Variants in UBE4B observed in about 807,000 individuals in gnomAD.
UBE4B encodes the protein ubiquitination factor E4B.
UBE4B carries 27 observed loss-of-function variants against 148.1 expected under a neutral mutation model. That is an observed-to-expected ratio of 0.18 (90% CI 0.13 to 0.25). The LOEUF (loss-of-function observed/expected upper bound fraction) is 0.25. Ranked by LOEUF, UBE4B falls within the 10% of genes least tolerant of loss-of-function variation. The pLI is 1.00. For missense variants in UBE4B, 1,170 were observed against 1,662.4 expected, an observed-to-expected ratio of 0.70 and a Z score of 5.15; for synonymous variants, 596 against 619.3, an observed-to-expected ratio of 0.96 and a Z score of 0.56.
chr1:10,142,028 A>G (rs1645790514), intron 17 of UBE4B, among the ~76,000 whole-genome samples: 2 of 149,140 alleles, frequency 1.3e-5, no homozygotes, highest in African/African-American at 5.2e-5. Context: ...TAAGAATTTA[A>G]AATCTGAAGC....
At chr1:10,036,168 C>G (rs1330910104) in intron 1 of UBE4B, among the ~76,000 whole-genome samples, 1 of 146,472 alleles carries the variant, frequency 6.8e-6, no homozygotes, top group Non-Finnish European at 1.5e-5. Flanking sequence ...AAATTCTTTT[C>G]AAACCAGTGA....
At chr1:10,061,660 T>C (rs1490870938) in intron 1 of UBE4B, among the ~76,000 whole-genome samples, 1 of 152,006 alleles carries the variant, frequency 6.6e-6, no homozygotes, top group Non-Finnish European at 1.5e-5. Flanking sequence ...GAATTGAAGG[T>C]CCTCCTGGCC....
chr1:10,104,491 A>T (rs980060257), intron 5 of UBE4B, among the ~76,000 whole-genome samples: 5 of 152,154 alleles, frequency 3.3e-5, no homozygotes, highest in African/African-American at 1.2e-4. Context: ...CTCAATAGAT[A>T]GATTTTAAAT....
At chr1:10,049,549 A>G (rs1186972468) in intron 1 of UBE4B, among the ~76,000 whole-genome samples, 1 of 152,114 alleles carries the variant, frequency 6.6e-6, no homozygotes, top group East Asian at 1.9e-4. Context: ...GTTTGAGGGC[A>G]GCCTGGGCAA....
At chr1:10,170,258 AC>A (rs1646319343) in intron 24 of UBE4B, among the ~76,000 whole-genome samples, 1 of 152,230 alleles carries the variant, frequency 6.6e-6, no homozygotes, top group African/African-American at 2.4e-5. Context: ...AAACAGAATG[AC>A]CAACTCTGTC....
chr1:10,164,304 A>G (rs1646214102), intron 23 of UBE4B, among the ~76,000 whole-genome samples: 4 of 152,018 alleles, frequency 2.6e-5, no homozygotes, highest in Admixed American at 2.0e-4. Context: ...CCATGCCACT[A>G]CATTTCACAT....
rs1645093418 is a variant in UBE4B at position 10,105,651 on chromosome 1, C to T, written c.716C>T (p.Pro239Leu). ...SQPIAAAARS[P>L]DRNLLLNTGS... is the part of the protein sequence containing the mutation. ...CCAATTGCTGCAGCAGCACGGTCAC[C>T]AGACAGAAATCTCTTGCTAAACACT... The change falls in exon 6 of 28, where the codon CCA (proline) becomes CTA (leucine). Residue 239 changes from proline to leucine, a missense_variant. Physicochemically the swap from Pro to Leu is moderately conservative, Grantham distance 98. Transcript: ENST00000343090. The T allele has an allele frequency of 6.2e-7, 1 of 1,614,218 alleles. No individual in the cohort carries two copies. Among genetic ancestry groups the T allele is most frequent in the Non-Finnish European group, 8.5e-7 (1 of 1,180,038 alleles).
intron 1 of UBE4B, among the ~76,000 whole-genome samples, chr1:10,053,965 G>A (rs765477993): frequency 2.0e-5 from 3 of 152,120 alleles, no homozygotes; most frequent in Non-Finnish European, 4.4e-5. Context: ...GGGATTACAG[G>A]TGTGAACCAC....
chr1:10,099,838 A>G (rs1644981224), intron 3 of UBE4B, among the ~76,000 whole-genome samples: 1 of 152,184 alleles, frequency 6.6e-6, no homozygotes, highest in African/African-American at 2.4e-5. Context: ...GACACGTGAC[A>G]TAGGAGCTTT....
At chr1:10,109,663 T>G (rs1435146990) in intron 7 of UBE4B, among the ~76,000 whole-genome samples, 1 of 152,146 alleles carries the variant, frequency 6.6e-6, no homozygotes, top group Admixed American at 6.5e-5. Context: ...TTACTTTTTT[T>G]TTTTTGAGAC....
At chr1:10,111,777 C>T (rs1432369707) in intron 7 of UBE4B, among the ~76,000 whole-genome samples, 3 of 151,926 alleles carry the variant, frequency 2.0e-5, no homozygotes, top group Non-Finnish European at 4.4e-5. Context: ...GCCAACATGG[C>T]GAAACCTCTT....
chr1:10,040,675 T>G (rs1008513139), intron 1 of UBE4B, among the ~76,000 whole-genome samples: 2 of 151,694 alleles, frequency 1.3e-5, no homozygotes, highest in African/African-American at 4.8e-5. Flanking sequence ...TGGAGTGCAA[T>G]GGCGCGATCT....
chr1:10,167,441 A>AAATAATAATAATAATAATAATAAT (rs200457569), intron 23 of UBE4B, among the ~76,000 whole-genome samples: 2 of 147,166 alleles, frequency 1.4e-5, no homozygotes, highest in African/African-American at 5.1e-5. Flanking sequence ...CCGTCTCAAA[A>AAATAATAATAATAATAATAATAAT]AATAATAATA....
chr1:10,120,562 A>G (rs1645393459), intron 9 of UBE4B, among the ~76,000 whole-genome samples: 1 of 152,060 alleles, frequency 6.6e-6, no homozygotes, highest in African/African-American at 2.4e-5. Context: ...AAAAGTTTAC[A>G]GGCCAGGCTC....
At chr1:10,035,751 TA>T (rs1392296064) in intron 1 of UBE4B, among the ~76,000 whole-genome samples, 1 of 148,348 alleles carries the variant, frequency 6.7e-6, no homozygotes. Flanking sequence ...TATTTTATTT[TA>T]TTTTTTTTGA....
At chr1:10,068,203 A>G (rs1644421763) in intron 1 of UBE4B, among the ~76,000 whole-genome samples, 1 of 150,244 alleles carries the variant, frequency 6.7e-6, no homozygotes, top group African/African-American at 2.5e-5. Flanking sequence ...TAATTTTTGT[A>G]TTTTTAGTAG....
At chr1:10,090,491 G>A (rs1644829963) in intron 2 of UBE4B, among the ~76,000 whole-genome samples, 1 of 152,164 alleles carries the variant, frequency 6.6e-6, no homozygotes, top group Non-Finnish European at 1.5e-5. Flanking sequence ...TTTAGACTCT[G>A]TAGACCTAGA....
intron 8 of UBE4B, among the ~76,000 whole-genome samples, chr1:10,118,211 T>C (rs1219374790): frequency 6.6e-6 from 1 of 152,220 alleles, no homozygotes; most frequent in East Asian, 1.9e-4. Flanking sequence ...TTTCTGATTT[T>C]AATTTTACGT....
intron 7 of UBE4B, among the ~76,000 whole-genome samples, chr1:10,108,290 T>G (rs1645156264): frequency 6.6e-6 from 1 of 151,802 alleles, no homozygotes; most frequent in African/African-American, 2.4e-5. Context: ...AACTGTGACT[T>G]TGCTTTCATG....
Sources: allele counts gnomAD v4.1 joint callset (sites outside exome capture counted in the v4.1 genomes callset), GRCh38; gene constraint gnomAD v4.1.1; transcripts MANE v1.5; gene names NCBI Gene and HGNC (gene_info 2026-07-23, HGNC 2026-07-21).